The following STAC3 variants were observed in gnomAD, a reference collection of about 807,000 sequenced individuals.
STAC3 encodes SH3 and cysteine-rich domain-containing protein 3.
STAC3 carries 30 observed loss-of-function variants against 48.5 expected under a neutral mutation model. The observed-to-expected ratio is 0.62, with a 90% CI of 0.46 to 0.84. STAC3 has a LOEUF of 0.84. STAC3 is among the 40% of genes least tolerant of loss of function. The probability of loss-of-function intolerance (pLI) is 0.00; values close to 1 mark genes in which losing one functional copy is unlikely to be tolerated. For missense variants in STAC3, 419 were observed against 462.6 expected (o/e 0.91, Z 0.86); for synonymous variants, 144 against 158.6 (o/e 0.91, Z 0.69).
At chr12:57,245,347 T>G in intron 6 of STAC3, 136 bp from the exon 7 acceptor site, 4 of 758,026 alleles carry the variant, frequency 5.3e-6, no homozygotes, top group Non-Finnish European at 8.5e-6. Context: ...AGGAAATATC[T>G]AGTTCAGCCA....
In STAC3 at chr12:57,251,110, C is replaced by A. The variant is rs2037894359; in HGVS notation, c.-119G>T. 4.4e-6 allele frequency: 2 copies of A among 452,028 alleles called. No homozygotes were observed. The highest frequency in any genetic ancestry group is 1.6e-5 in the South Asian group (1 of 64,246). The allele number at this position is 452,028 out of a possible 1,614,324, so 28.0% of individuals were successfully genotyped here. A position where few individuals can be genotyped will look rare whatever the true frequency, so the allele number is the denominator to read the frequency against. ...CCTTGGGGGCTAAGCCCCCCCAGTA[C>A]CCCCTGTGTTCACACCAGCTACCCA... On this transcript the variant is annotated 5_prime_UTR_variant, in exon 1 of 12. Transcript: ENST00000332782.
At chr12:57,243,941 G>A (rs769573382) in intron 11 of STAC3, 31 bp from the exon 12 acceptor site, 2 of 1,611,170 alleles carry the variant, frequency 1.2e-6, no homozygotes, top group East Asian at 2.2e-5. Context: ...AAGTAGGAGA[G>A]GAATCAAAGG....
chr12:57,246,995 C>T (rs2037757540), intron 5 of STAC3, 94 bp from the exon 6 acceptor site: 3 of 1,261,116 alleles, frequency 2.4e-6, no homozygotes, highest in East Asian at 4.7e-5. Context: ...TAGATGGATA[C>T]CCATGTGTGT....
chr12:57,250,389 CAAAAAAAAAAAAAAAA>C (rs58777318), intron 1 of STAC3, among the ~76,000 whole-genome samples: 1 of 42,390 alleles, frequency 2.4e-5, no homozygotes, highest in Admixed American at 3.7e-4. Context: ...GACTTCGTCT[CAAAAAAAAAAAAAAAA>C]AAAAAAAAAA....
chr12:57,244,849 TGAG>T (rs1236884273), intron 8 of STAC3, 64 bp downstream of exon 8: 2 of 1,565,254 alleles, frequency 1.3e-6, no homozygotes, highest in African/African-American at 1.4e-5. Context: ...GCCAGGGCCA[TGAG>T]TAGTGGTGTC....
rs2037687732 is a variant in STAC3 at position 57,244,627 on chromosome 12, G to T, written c.721-5C>A. The T allele has an allele frequency of 1.2e-6, 2 of 1,614,194 alleles. No homozygotes were observed. Among genetic ancestry groups the T allele is most frequent in the Non-Finnish European group, 1.7e-6 (2 of 1,180,036 alleles). On this transcript the variant is annotated splice_polypyrimidine_tract_variant and splice_region_variant and intron_variant, in intron 8 of 11. Coordinates refer to ENST00000332782, the MANE Select transcript of STAC3 (RefSeq NM_145064.3). ...CTGGAAGCCAGGCTGCTTGTGCTGG[G>T]GGTGCAAGGGAATGATGAGTCTTAG... is the stretch of plus-strand genomic sequence containing the variant.
intron 4 of STAC3, 157 bp from the exon 5 acceptor site, chr12:57,248,355 G>T: frequency 1.5e-6 from 1 of 654,956 alleles, no homozygotes; most frequent in Non-Finnish European, 2.7e-6. Context: ...GCAAGGGGTA[G>T]CTGGCTGGTG....
intron 2 of STAC3, 126 bp downstream of exon 2, chr12:57,249,445 T>C: frequency 3.3e-6 from 5 of 1,496,478 alleles, no homozygotes; most frequent in South Asian, 1.2e-5. Context: ...GGTATTGGTA[T>C]TGGGGACTGC....
chr12:57,244,037 G>A, intron 11 of STAC3, 51 bp downstream of exon 11: 1 of 1,613,124 alleles, frequency 6.2e-7, no homozygotes, highest in Non-Finnish European at 8.5e-7. Context: ...CAAGGAGTGT[G>A]GTGGGCTAGG....
chr12:57,247,742 C>A (rs867117859), intron 5 of STAC3, among the ~76,000 whole-genome samples: 2 of 152,094 alleles, frequency 1.3e-5, no homozygotes, highest in Non-Finnish European at 1.5e-5. Flanking sequence ...AAATTATGAA[C>A]CTGCCCAGGG....
At position 57,245,019 on chromosome 12, in the gene STAC3, C is replaced by T. The variant is rs368086632; in HGVS notation, c.671-54G>A. The T allele has an allele frequency of 9.9e-6, 16 of 1,610,400 alleles. No homozygotes were observed. The African/African-American group carries it at 2.0e-4, about 20-fold the overall frequency. ...TGTCTCCTGGAGGGCAATTCTTATT[C>T]TCTTACCCTTTTGTGGAAGGGCCTC... is the stretch of plus-strand genomic sequence containing the variant. On this transcript the variant is annotated intron_variant, in intron 7 of 11. Coordinates refer to ENST00000332782, the MANE Select transcript of STAC3 (RefSeq NM_145064.3).
chr12:57,245,022 T>C, intron 7 of STAC3, 57 bp from the exon 8 acceptor site: 1 of 1,610,042 alleles, frequency 6.2e-7, no homozygotes, highest in East Asian at 2.2e-5. Flanking sequence ...TCTTATTCTC[T>C]TACCCTTTTG....
intron 1 of STAC3, chr12:57,249,841 G>A (rs1271292891): frequency 9.6e-6 from 5 of 520,504 alleles, no homozygotes; most frequent in Middle Eastern, 4.7e-4. Context: ...CTGCAGCCTC[G>A]ACCTCCCAGC....
rs778457778 is a variant in STAC3 at position 57,243,707 on chromosome 12, C to G, written c.*105G>C. 1.8e-6 allele frequency: 2 copies of G among 1,086,030 alleles called. No individual in the cohort carries two copies. The highest frequency in any genetic ancestry group is 3.9e-5 in the Admixed American group (2 of 50,950). 67.3% of individuals were successfully genotyped at this position (1,086,030 alleles called of 1,614,324 possible). A position where few individuals can be genotyped will look rare whatever the true frequency, so the allele number is the denominator to read the frequency against. On this transcript the variant is annotated 3_prime_UTR_variant, in exon 12 of 12. Transcript: ENST00000332782. ...GTCGCGCTCAGGCGGGCCTTCCTAC[C>G]CCTCCTCTCCCAGCAGTCCCGTTGC...
chr12:57,248,342 C>G, intron 4 of STAC3, 144 bp from the exon 5 acceptor site: 3 of 709,272 alleles, frequency 4.2e-6, no homozygotes, highest in South Asian at 1.6e-5. Flanking sequence ...GGAGGAGAGA[C>G]CAGCAAGGGG....
At chr12:57,250,206 A>G (rs1433000763) in intron 1 of STAC3, among the ~76,000 whole-genome samples, 4 of 152,068 alleles carry the variant, frequency 2.6e-5, no homozygotes, top group Non-Finnish European at 5.9e-5. Context: ...CCTGGCCAAC[A>G]TGGTGAAACC....
chr12:57,247,633 C>T (rs1423467648), intron 5 of STAC3, among the ~76,000 whole-genome samples: 1 of 151,854 alleles, frequency 6.6e-6, no homozygotes, highest in Non-Finnish European at 1.5e-5. Context: ...GACGGGGTTT[C>T]ACCGTGGTCT....
rs2037680030 is a variant in STAC3, at chr12:57,244,325, T to C, written c.848A>G (p.Glu283Gly). 2 of 1,614,034 alleles carry C rather than the reference T, an allele frequency of 1.2e-6. No homozygotes were observed. ...AGCCATTTCTCTCACCCGCCACCATTCTTCATTGGAGTCATCAATGACTGT... is the reference window on the plus strand; with the variant it reads ...AGCCATTTCTCTCACCCGCCACCATCCTTCATTGGAGTCATCAATGACTGT... Reference protein sequence around the residue: ...KITVIDDSNEEWWRGKIGEKV... With the variant: ...KITVIDDSNEGWWRGKIGEKV... The change falls in exon 10 of 12, where the codon GAA (glutamate) becomes GGA (glycine). Residue 283 changes from glutamate (E) to glycine (G), a missense_variant. Coordinates refer to ENST00000332782, the MANE Select transcript of STAC3 (RefSeq NM_145064.3).
In STAC3 at chr12:57,249,103, T is replaced by C; in HGVS notation, c.272A>G (p.Lys91Arg). 5.0e-6 allele frequency: 8 copies of C among 1,612,292 alleles called. No individual in the cohort carries two copies. Among genetic ancestry groups the C allele is most frequent in the Non-Finnish European group, 6.8e-6 (8 of 1,179,188 alleles). The change falls in exon 3 of 12, where the codon AAA becomes AGA. Residue 91 changes from lysine to arginine, a missense_variant. Transcript: ENST00000332782. Reference protein sequence around the residue: ...PPKLVNDKPHKFKDHFFKKPK... With the variant: ...PPKLVNDKPHRFKDHFFKKPK... ...CTTCTTGAAGAAGTGATCTTTGAAT[T>C]TGTGGGGCTTATCGTTGACCAGCTT...
Sources: allele counts gnomAD v4.1 joint callset (sites outside exome capture counted in the v4.1 genomes callset), GRCh38; gene constraint gnomAD v4.1.1; transcripts MANE v1.5; gene names NCBI Gene and HGNC (gene_info 2026-07-23, HGNC 2026-07-21).